MMS22L: variants seen among roughly 807,000 people sequenced by gnomAD.
MMS22L encodes protein MMS22-like.
Under a neutral mutation model 159.1 loss-of-function variants are expected in MMS22L, and 74 were observed. The ratio of observed to expected loss-of-function variants is 0.47; its 90% confidence interval spans 0.39 to 0.56. The LOEUF (loss-of-function observed/expected upper bound fraction) is 0.56. Among genes scored for constraint, MMS22L ranks in the 20% least tolerant of loss-of-function variants. The pLI, the probability that MMS22L is intolerant of heterozygous loss-of-function variation, is 0.00. For synonymous variants in MMS22L, 517 were observed against 506.9 expected (o/e 1.02, Z -0.27); for missense variants, 1,351 against 1,422.1 (o/e 0.95, Z 0.80).
At chr6:97,189,909 A>G (rs975554729) in intron 14 of MMS22L, among the ~76,000 whole-genome samples, 1 of 152,238 alleles carries the variant, frequency 6.6e-6, no homozygotes, top group Admixed American at 6.5e-5. Context: ...TTATTTAAGC[A>G]TAAAGAAATC....
At chr6:97,252,457 C>T (rs1398071719) in intron 10 of MMS22L, among the ~76,000 whole-genome samples, 1 of 151,708 alleles carries the variant, frequency 6.6e-6, no homozygotes, top group Non-Finnish European at 1.5e-5. Context: ...CCAGCCTGGC[C>T]AACATGGTGA....
At position 97,178,552 on chromosome 6, in the gene MMS22L, G is replaced by C. The variant is rs767123246; in HGVS notation, c.2570C>G (p.Thr857Arg). 6.4e-7 allele frequency: 1 copy of C among 1,556,856 alleles called. No homozygotes were observed. Among genetic ancestry groups the C allele is most frequent in the Non-Finnish European group, 8.8e-7 (1 of 1,139,144 alleles). The change falls in exon 18 of 25, where the codon ACA becomes AGA. Residue 857 changes from threonine to arginine, a missense_variant. Transcript: ENST00000683635. ...KEYMKQLVKL[T>R]RLLFNLSEVK... ...TTCTGAGAGATTAAATAGTAATCTT[G>C]TCAGTTTGACCAACTGTTTCATGTA...
At chr6:97,279,424 C>T (rs947821368) in intron 3 of MMS22L, among the ~76,000 whole-genome samples, 3 of 151,648 alleles carry the variant, frequency 2.0e-5, no homozygotes, top group African/African-American at 4.9e-5. Context: ...CTGGAGCTTG[C>T]AGTAAGCAGA....
chr6:97,158,359 G>C (rs1452909394), intron 22 of MMS22L, among the ~76,000 whole-genome samples: 1 of 152,064 alleles, frequency 6.6e-6, no homozygotes, highest in Non-Finnish European at 1.5e-5. Context: ...GCTAGCTTTT[G>C]AATTTGTTTG....
chr6:97,200,616 GA>G lies in MMS22L; in HGVS notation c.2040-13927del, dbSNP rs113939263. On this transcript the variant is annotated intron_variant, in intron 14 of 24. Coordinates refer to ENST00000683635, the MANE Select transcript of MMS22L (RefSeq NM_001350599.2). ...ACATCAAAAAAGCTCATCTCCTGAT[GA>G]AAAAAAAATCCATGCATATGCTGGG... 4.8e-3 allele frequency among the ~76,000 whole-genome samples: 720 copies of G among 151,128 alleles called. 5 individuals carry two copies. The highest frequency in any genetic ancestry group is 0.016 in the African/African-American group (670 of 41,256).
intron 14 of MMS22L, among the ~76,000 whole-genome samples, chr6:97,194,081 C>T (rs1806204264): frequency 1.4e-5 from 2 of 145,536 alleles, no homozygotes; most frequent in Middle Eastern, 4.7e-3. Context: ...ATTTTTGAGA[C>T]AGAGTCTCGC....
Position 97,162,071 on chromosome 6 carries a change from C to A in MMS22L, c.3316G>T (p.Asp1106Tyr), listed in dbSNP as rs373735458. The A allele has an allele frequency of 9.6e-5, 154 of 1,612,138 alleles. No individual in the cohort carries two copies. Among genetic ancestry groups the A allele is most frequent in the Non-Finnish European group, 1.3e-4 (151 of 1,179,046 alleles). ...AGGAGTAGTTCAACTTCATAAATGT[C>A]TGTGTTAGTTTCCTTGAAGAGTTGG... ...ILQLFKETNTDIYEVELLLPG... is the reference protein window; with the variant it reads ...ILQLFKETNTYIYEVELLLPG... The change falls in exon 22 of 25, where the codon GAC becomes TAC. Residue 1106 changes from aspartate (D) to tyrosine (Y), a missense_variant. Asp to Tyr is a radical substitution (Grantham distance 160, BLOSUM62 -3). Transcript: ENST00000683635.
chr6:97,216,325 C>T (rs1186497973), intron 14 of MMS22L, among the ~76,000 whole-genome samples: 1 of 151,720 alleles, frequency 6.6e-6, no homozygotes, highest in Non-Finnish European at 1.5e-5. Flanking sequence ...TAATTAATTA[C>T]AGGAATAATT....
At chr6:97,161,335 T>C (rs1185393802) in intron 22 of MMS22L, among the ~76,000 whole-genome samples, 1 of 152,012 alleles carries the variant, frequency 6.6e-6, no homozygotes, top group Non-Finnish European at 1.5e-5. Context: ...CACTAATTAA[T>C]TTCTGGGTGA....
intron 11 of MMS22L, among the ~76,000 whole-genome samples, chr6:97,238,021 A>G (rs1811591145): frequency 6.6e-6 from 1 of 152,228 alleles, no homozygotes; most frequent in African/African-American, 2.4e-5. Context: ...TGGGAAAAGC[A>G]AAAGTATGAA....
At chr6:97,192,605 T>C (rs982546205) in intron 14 of MMS22L, among the ~76,000 whole-genome samples, 1 of 152,178 alleles carries the variant, frequency 6.6e-6, no homozygotes, top group African/African-American at 2.4e-5. Context: ...CTTAGAGGCA[T>C]TCGAACATCA....
At chr6:97,208,286 C>T (rs1473003224) in intron 14 of MMS22L, among the ~76,000 whole-genome samples, 2 of 152,042 alleles carry the variant, frequency 1.3e-5, no homozygotes, top group African/African-American at 4.8e-5. Flanking sequence ...AGTTTCCTTG[C>T]TTAAAGTTTG....
chr6:97,199,305 T>G (rs990434152), intron 14 of MMS22L, among the ~76,000 whole-genome samples: 5 of 152,148 alleles, frequency 3.3e-5, no homozygotes, highest in Non-Finnish European at 7.4e-5. Flanking sequence ...GGTAATAAAT[T>G]TTTATAAATA....
chr6:97,161,221 T>G (rs1048102835), intron 22 of MMS22L, among the ~76,000 whole-genome samples: 1 of 152,050 alleles, frequency 6.6e-6, no homozygotes, highest in Non-Finnish European at 1.5e-5. Flanking sequence ...GCTTCTGAGG[T>G]GATGTAACCT....
intron 18 of MMS22L, among the ~76,000 whole-genome samples, chr6:97,174,724 T>A (rs1582465919): frequency 6.6e-6 from 1 of 152,080 alleles, no homozygotes; most frequent in Non-Finnish European, 1.5e-5. Context: ...CGGAAGTGGG[T>A]GGATGAAGTA....
intron 14 of MMS22L, among the ~76,000 whole-genome samples, chr6:97,223,092 T>C (rs1277642815): frequency 6.6e-6 from 1 of 152,118 alleles, no homozygotes; most frequent in East Asian, 1.9e-4. Flanking sequence ...AAGAATGCTC[T>C]GGTGAGCCAT....
chr6:97,162,515 T>C (rs1337382243), intron 21 of MMS22L, among the ~76,000 whole-genome samples: 1 of 151,866 alleles, frequency 6.6e-6, no homozygotes, highest in East Asian at 1.9e-4. Flanking sequence ...CTCCATTGGG[T>C]CCTCAATGCC....
At chr6:97,195,858 T>C (rs1488265904) in intron 14 of MMS22L, among the ~76,000 whole-genome samples, 1 of 152,194 alleles carries the variant, frequency 6.6e-6, no homozygotes, top group African/African-American at 2.4e-5. Flanking sequence ...CTAATGTGCA[T>C]TTTCAGTTAC....
intron 14 of MMS22L, among the ~76,000 whole-genome samples, chr6:97,201,317 ATT>A (rs1356219224): frequency 1.3e-5 from 2 of 152,146 alleles, no homozygotes; most frequent in Non-Finnish European, 2.9e-5. Flanking sequence ...TGTTCCTATA[ATT>A]CATGATCTTT....
Sources: gnomAD v4.1 joint callset for allele counts (sites outside exome capture counted in the v4.1 genomes callset) on GRCh38, gnomAD v4.1.1 for gene constraint, MANE v1.5 for transcripts, NCBI Gene and HGNC (gene_info 2026-07-23, HGNC 2026-07-21) for gene names.